BICD1: variants seen among roughly 807,000 people sequenced by gnomAD.
BICD1 encodes protein bicaudal D homolog 1.
Under a neutral mutation model 92.5 loss-of-function variants are expected in BICD1, and 35 were observed. The observed-to-expected ratio is 0.38, with a 90% CI of 0.29 to 0.50. BICD1 has a LOEUF of 0.50. Among genes scored for constraint, BICD1 ranks in the 20% least tolerant of loss-of-function variants. The pLI is 0.93. For synonymous variants in BICD1, 429 were observed against 465.1 expected (o/e 0.92, Z 1.00); for missense variants, 950 against 1,189.8 (o/e 0.80, Z 2.97).
chr12:32,291,110 C>T lies in BICD1; in HGVS notation c.427-2884C>T, dbSNP rs538906049. 1.1e-4 allele frequency among the ~76,000 whole-genome samples: 17 copies of T among 152,284 alleles called. No individual in the cohort carries two copies. In the Middle Eastern group the frequency reaches 0.01, roughly 91 times the overall value. ...ATGTGTTTATAATTTGTTGTTTTCA[C>T]ATATGCATAAACAGAACTAGGAAGA... On this transcript the variant is annotated intron_variant, in intron 2 of 9. Transcript: ENST00000652176.
intron 2 of BICD1, among the ~76,000 whole-genome samples, chr12:32,246,804 C>T (rs562722638): frequency 6.6e-6 from 1 of 152,216 alleles, no homozygotes; most frequent in African/African-American, 2.4e-5. Context: ...CAAGACAAAA[C>T]CCTTGCTCTC....
At chr12:32,271,710 T>C (rs907231025) in intron 2 of BICD1, among the ~76,000 whole-genome samples, 3 of 152,204 alleles carry the variant, frequency 2.0e-5, no homozygotes, top group Admixed American at 1.3e-4. Context: ...CCCCATCTTT[T>C]TGGAGTCCTC....
At chr12:32,244,827 C>T (rs1403359735) in intron 2 of BICD1, among the ~76,000 whole-genome samples, 1 of 152,064 alleles carries the variant, frequency 6.6e-6, no homozygotes, top group African/African-American at 2.4e-5. Context: ...TGGGGTTTCA[C>T]CATGTTGGCC....
intron 8 of BICD1, among the ~76,000 whole-genome samples, chr12:32,349,767 G>T (rs577983094): frequency 1.3e-3 from 203 of 152,254 alleles, no homozygotes; most frequent in African/African-American, 4.7e-3. Context: ...ATGATTTAAA[G>T]TGACTGTGTG....
intron 2 of BICD1, among the ~76,000 whole-genome samples, chr12:32,254,626 T>A (rs973173004): frequency 4.6e-5 from 7 of 152,220 alleles, no homozygotes; most frequent in African/African-American, 1.4e-4. Context: ...GAGCAGCACA[T>A]TGTGTGGTCA....
chr12:32,263,041 G>C (rs1484409534), intron 2 of BICD1, among the ~76,000 whole-genome samples: 1 of 152,046 alleles, frequency 6.6e-6, no homozygotes, highest in Non-Finnish European at 1.5e-5. Context: ...CTACTTCGGA[G>C]AGAGGATCAC....
At chr12:32,315,593 A>C (rs1948475752) in intron 4 of BICD1, among the ~76,000 whole-genome samples, 1 of 152,194 alleles carries the variant, frequency 6.6e-6, no homozygotes, top group African/African-American at 2.4e-5. Context: ...TTTGACCCAG[A>C]AACAGGGGCT....
intron 3 of BICD1, among the ~76,000 whole-genome samples, chr12:32,294,424 G>A (rs751461188): frequency 2.0e-5 from 3 of 151,984 alleles, no homozygotes; most frequent in Admixed American, 6.6e-5. Flanking sequence ...TAAGTCAAAT[G>A]TATCGTAACA....
intron 2 of BICD1, among the ~76,000 whole-genome samples, chr12:32,257,597 A>G (rs1456273460): frequency 6.6e-6 from 1 of 152,180 alleles, no homozygotes; most frequent in African/African-American, 2.4e-5. Context: ...GTAAAGCTAA[A>G]GATGTATAGA....
chr12:32,268,617 G>A (rs1419567867), intron 2 of BICD1, among the ~76,000 whole-genome samples: 1 of 152,104 alleles, frequency 6.6e-6, no homozygotes, highest in African/African-American at 2.4e-5. Context: ...CCAACATGGC[G>A]AAACCCCGTC....
At chr12:32,343,875 G>A (rs973347177) in intron 8 of BICD1, among the ~76,000 whole-genome samples, 1 of 152,174 alleles carries the variant, frequency 6.6e-6, no homozygotes, top group Non-Finnish European at 1.5e-5. Flanking sequence ...AGTAAAAACT[G>A]CCTTTATGTT....
chr12:32,372,780 G>A (rs552897214), intron 9 of BICD1, among the ~76,000 whole-genome samples: 3 of 152,242 alleles, frequency 2.0e-5, no homozygotes, highest in South Asian at 4.1e-4. Flanking sequence ...AGGAGGCTGC[G>A]GTGGGAGGAT....
rs4001794 is a variant in BICD1, at chr12:32,179,989, C to CAAA, written c.214-36241_214-36239dup. Among the ~76,000 whole-genome samples, 226 of 122,078 alleles carry CAAA rather than the reference C, an allele frequency of 1.9e-3. 3 individuals carry two copies. The East Asian group carries it at 0.025, about 13-fold the overall frequency. The allele number at this position is 122,078 out of a possible 152,430, so 80.1% of individuals were successfully genotyped here. ...TGGGCAACAAAGCAAGACACGCTCT[C>CAAA]AAAAAAAAAAAAAAAAAAATTGGCA... is the stretch of plus-strand genomic sequence containing the variant. On this transcript the variant is annotated intron_variant, in intron 1 of 9. Transcript: ENST00000652176.
chr12:32,138,029 G>T (rs1261689116), intron 1 of BICD1, among the ~76,000 whole-genome samples: 1 of 152,076 alleles, frequency 6.6e-6, no homozygotes, highest in African/African-American at 2.4e-5. Context: ...GGACTCCTGA[G>T]CTTAGGCAAT....
At chr12:32,182,495 C>G (rs1369586559) in intron 1 of BICD1, among the ~76,000 whole-genome samples, 1 of 151,412 alleles carries the variant, frequency 6.6e-6, no homozygotes, top group Non-Finnish European at 1.5e-5. Flanking sequence ...GTTGGCCAGG[C>G]TGGTCTTGAA....
chr12:32,142,939 A>G (rs931047624), intron 1 of BICD1, among the ~76,000 whole-genome samples: 3 of 152,180 alleles, frequency 2.0e-5, no homozygotes, highest in Non-Finnish European at 4.4e-5. Flanking sequence ...AGGCTTAACT[A>G]TGGAGATCCT....
chr12:32,329,668 G>A (rs1179103397), intron 5 of BICD1, among the ~76,000 whole-genome samples: 3 of 152,144 alleles, frequency 2.0e-5, no homozygotes, highest in Non-Finnish European at 4.4e-5. Context: ...GGTTCATTTG[G>A]GATGTTAACC....
chr12:32,304,362 A>G (rs1948152986), intron 3 of BICD1, among the ~76,000 whole-genome samples: 1 of 152,248 alleles, frequency 6.6e-6, no homozygotes, highest in Admixed American at 6.5e-5. Context: ...TTGTATTAGC[A>G]TCTAATATCA....
intron 1 of BICD1, among the ~76,000 whole-genome samples, chr12:32,122,629 T>G (rs1247122945): frequency 6.6e-6 from 1 of 152,154 alleles, no homozygotes; most frequent in East Asian, 1.9e-4. Flanking sequence ...GCATAATAAG[T>G]AATATATTTT....
Sources: allele counts gnomAD v4.1 joint callset (sites outside exome capture counted in the v4.1 genomes callset), GRCh38; gene constraint gnomAD v4.1.1; transcripts MANE v1.5; gene names NCBI Gene and HGNC (gene_info 2026-07-23, HGNC 2026-07-21).